MAD1L1: variants seen among roughly 807,000 people sequenced by gnomAD.
MAD1L1 encodes the protein mitotic spindle assembly checkpoint protein MAD1.
Under a neutral mutation model 96.9 loss-of-function variants are expected in MAD1L1, and 95 were observed. That is an observed-to-expected ratio of 0.98 (90% confidence interval 0.83 to 1.16). The LOEUF is 1.16. MAD1L1 is among the 50% of genes most tolerant of loss of function. The pLI is 0.00. For missense variants in MAD1L1, 1,007 were observed against 954.4 expected, an observed-to-expected ratio of 1.06 and a Z score of -0.73; for synonymous variants, 473 against 396.6, an observed-to-expected ratio of 1.19 and a Z score of -2.29.
intron 18 of MAD1L1, among the ~76,000 whole-genome samples, chr7:1,830,178 C>T (rs1782635199): frequency 1.3e-5 from 2 of 152,208 alleles, no homozygotes; most frequent in African/African-American, 4.8e-5. Flanking sequence ...GGGAGGATCA[C>T]CTGAGGTCAG....
rs1215701977 is a variant in MAD1L1 at position 2,156,130 on chromosome 7, G to A, written c.987-6892C>T. On this transcript the variant is annotated intron_variant, in intron 10 of 18. Transcript: ENST00000265854. ...GGCGCGTGTGGCGAGGGCAGCGGGC[G>A]CACGGTTTCACGGCGGGTGTGGCGA... is the stretch of plus-strand genomic sequence containing the variant. 3.9e-5 allele frequency among the ~76,000 whole-genome samples: 6 copies of A among 151,988 alleles called. No individual in the cohort carries two copies. The East Asian group carries it at 9.7e-4, about 25-fold the overall frequency.
intron 12 of MAD1L1, among the ~76,000 whole-genome samples, chr7:2,041,841 G>A (rs1783688263): frequency 6.6e-6 from 1 of 151,966 alleles, no homozygotes; most frequent in African/African-American, 2.4e-5. Flanking sequence ...ACAGGGGGGA[G>A]GGATACTGAA....
At chr7:1,935,838 C>A (rs544451492) in intron 17 of MAD1L1, among the ~76,000 whole-genome samples, 1 of 152,228 alleles carries the variant, frequency 6.6e-6, no homozygotes, top group South Asian at 2.1e-4. Flanking sequence ...CTGCAGACAC[C>A]CCCAAGGGAG....
At chr7:1,950,995 A>T (rs894887960) in intron 16 of MAD1L1, among the ~76,000 whole-genome samples, 5 of 152,208 alleles carry the variant, frequency 3.3e-5, no homozygotes, top group Non-Finnish European at 4.4e-5. Context: ...TGGGAGGAGG[A>T]GGCGGGGGAC....
At chr7:2,156,611 G>T (rs1294036562) in intron 10 of MAD1L1, among the ~76,000 whole-genome samples, 2 of 152,168 alleles carry the variant, frequency 1.3e-5, no homozygotes, top group Non-Finnish European at 2.9e-5. Context: ...CCTGAGGTCA[G>T]GAGCTCAAGA....
chr7:2,201,688 G>C (rs894649694), intron 10 of MAD1L1, among the ~76,000 whole-genome samples: 2 of 152,178 alleles, frequency 1.3e-5, no homozygotes, highest in Non-Finnish European at 2.9e-5. Flanking sequence ...GTTTCCACCC[G>C]GACACGCCGC....
chr7:1,904,544 C>G (rs1787498349), intron 17 of MAD1L1, among the ~76,000 whole-genome samples: 1 of 130,410 alleles, frequency 7.7e-6, no homozygotes, highest in Non-Finnish European at 1.6e-5. Context: ...AGCACTGTTC[C>G]AGGCAGCGAG....
intron 10 of MAD1L1, among the ~76,000 whole-genome samples, chr7:2,194,109 A>G (rs934421185): frequency 1.3e-5 from 2 of 151,444 alleles, no homozygotes; most frequent in Non-Finnish European, 2.9e-5. Flanking sequence ...ATGCCTGGCT[A>G]ATTTTTTTGT....
At chr7:2,002,228 G>C in intron 13 of MAD1L1, 107 bp from the exon 14 acceptor site, 1 of 1,125,498 alleles carries the variant, frequency 8.9e-7, no homozygotes, top group Non-Finnish European at 1.3e-6. Flanking sequence ...ACTCTCTGGG[G>C]AGCAACGGGA....
In MAD1L1 at chr7:2,225,428, G is replaced by A. The variant is rs143579216; in HGVS notation, c.273C>T (p.Thr91=). The change falls in exon 4 of 19, where the codon ACC becomes ACT. Residue 91 remains threonine, a synonymous_variant. Transcript: ENST00000265854. The stretch of plus-strand genomic sequence containing the variant: ...AACCCACCTCGTAGTTCCTGGCACT[G>A]GTGCTGGCTGCTCTCTCCAGCTCCA... The part of the protein sequence containing the change: ...ARVELERAAS[T]SARNYEREVD... 4,107 of 1,613,310 alleles carry A rather than the reference G, an allele frequency of 2.5e-3. 12 individuals carry two copies. Among genetic ancestry groups the A allele is most frequent in the Middle Eastern group, 3.3e-3 (20 of 6,060 alleles).
intron 12 of MAD1L1, among the ~76,000 whole-genome samples, chr7:2,034,802 C>T (rs1783392911): frequency 6.6e-6 from 1 of 152,232 alleles, no homozygotes. Context: ...GAAATGCATG[C>T]CATGTTCTTG....
At chr7:2,219,769 C>T (rs1408100932) in intron 5 of MAD1L1, among the ~76,000 whole-genome samples, 1 of 152,078 alleles carries the variant, frequency 6.6e-6, no homozygotes, top group African/African-American at 2.4e-5. Flanking sequence ...CGCTCACACG[C>T]AGGGCCCACC....
At position 1,856,010 on chromosome 7, in the gene MAD1L1, T is replaced by C. The variant is rs149635533; in HGVS notation, c.1999-39782A>G. On this transcript the variant is annotated intron_variant, in intron 18 of 18. Transcript: ENST00000265854. ...GCTGAGGGGAGGCACTTCCTCGCGG[T>C]GCGCTCACGTGGGGTGCGGTGAGGG... Among the ~76,000 whole-genome samples the C allele has an allele frequency of 2.5e-3, 377 of 152,246 alleles. 2 individuals carry two copies. The highest frequency in any genetic ancestry group is 8.3e-3 in the African/African-American group (343 of 41,542).
At chr7:2,166,768 G>A (rs1447261295) in intron 10 of MAD1L1, among the ~76,000 whole-genome samples, 1 of 152,204 alleles carries the variant, frequency 6.6e-6, no homozygotes, top group African/African-American at 2.4e-5. Context: ...AGAATGACCT[G>A]GGCGGAACCA....
chr7:1,845,484 G>GGGTTCC (rs1783553140), intron 18 of MAD1L1: 98 of 63,388 alleles, frequency 1.5e-3, no homozygotes, highest in Non-Finnish European at 1.9e-3. Flanking sequence ...GAGACGCGTC[G>GGGTTCC]GGCTCTGATT....
At chr7:1,902,923 C>CA (rs1562507239) in intron 17 of MAD1L1, among the ~76,000 whole-genome samples, 1 of 150,318 alleles carries the variant, frequency 6.7e-6, no homozygotes, top group South Asian at 2.1e-4. Context: ...GGAAGACGTT[C>CA]TTGTGGAACT....
chr7:1,922,781 T>G (rs1012534401), intron 17 of MAD1L1, among the ~76,000 whole-genome samples: 3 of 152,238 alleles, frequency 2.0e-5, no homozygotes, highest in Non-Finnish European at 4.4e-5. Context: ...TTTGGCAAAC[T>G]TGGGGGTTCT....
At chr7:2,084,377 G>T (rs1785805556) in intron 11 of MAD1L1, among the ~76,000 whole-genome samples, 1 of 152,208 alleles carries the variant, frequency 6.6e-6, no homozygotes, top group African/African-American at 2.4e-5. Context: ...TCACTTGCTG[G>T]GAGCAGAGCA....
At chr7:2,107,916 C>T (rs1240613048) in intron 11 of MAD1L1, among the ~76,000 whole-genome samples, 1 of 152,024 alleles carries the variant, frequency 6.6e-6, no homozygotes, top group Non-Finnish European at 1.5e-5. Context: ...GACTGTGTCC[C>T]GGGCTGTGAC....
Sources: gnomAD v4.1 joint callset for allele counts (sites outside exome capture counted in the v4.1 genomes callset) on GRCh38, gnomAD v4.1.1 for gene constraint, MANE v1.5 for transcripts, NCBI Gene and HGNC (gene_info 2026-07-23, HGNC 2026-07-21) for gene names.